The following ASCC3 variants were observed in gnomAD, a reference collection of about 807,000 sequenced individuals.
ASCC3 encodes activating signal cointegrator 1 complex subunit 3.
A neutral mutation model predicts 256.3 loss-of-function variants in ASCC3; 158 were observed. The ratio of observed to expected loss-of-function variants is 0.62; its 90% CI spans 0.54 to 0.70. The LOEUF is 0.70. Among genes scored for constraint, ASCC3 ranks in the 30% least tolerant of loss-of-function variants. The pLI, the probability that ASCC3 is intolerant of heterozygous loss-of-function variation, is 0.00. For missense variants in ASCC3, 2,259 were observed against 2,626.0 expected, an observed-to-expected ratio of 0.86 and a Z score of 3.05; for synonymous variants, 948 against 883.4, an observed-to-expected ratio of 1.07 and a Z score of -1.30.
chr6:100,614,949 A>T (rs1295536659), intron 30 of ASCC3, among the ~76,000 whole-genome samples: 3 of 152,120 alleles, frequency 2.0e-5, no homozygotes, highest in Non-Finnish European at 4.4e-5. Context: ...CATGATTGAG[A>T]ATGGCACAGC....
rs760156043 is a variant in ASCC3, at chr6:100,848,286, G to C, written c.663C>G (p.Ser221=). ...ACTTTTCAACTTCACACCACAAAAA[G>C]GAGCCATTTGTTTTTTCCACAGGCT... is the stretch of plus-strand genomic sequence containing the variant. ...ELKPVEKTNG[S]FLWCEVEKYL... is the part of the protein sequence containing the mutation. Residue 221 remains serine, a synonymous_variant, in exon 4 of 42, where the codon TCC becomes TCG. Transcript: ENST00000369162. 11 of 1,613,906 alleles carry C rather than the reference G, an allele frequency of 6.8e-6. No individual in the cohort carries two copies. In the South Asian group the frequency reaches 7.7e-5, roughly 11 times the overall value.
intron 18 of ASCC3, 42 bp downstream of exon 18, chr6:100,652,683 T>C: frequency 6.4e-7 from 1 of 1,566,608 alleles, no homozygotes; most frequent in Non-Finnish European, 8.8e-7. Context: ...GTCTAGAAAG[T>C]ATTTGCATCT....
intron 8 of ASCC3, among the ~76,000 whole-genome samples, chr6:100,780,131 TTTTA>T (rs1782376144): frequency 1.3e-5 from 2 of 152,304 alleles, no homozygotes; most frequent in African/African-American, 4.8e-5. Context: ...CTATAATGAA[TTTTA>T]TTTAACTCAA....
chr6:100,823,713 T>G (rs1771165135), intron 4 of ASCC3, among the ~76,000 whole-genome samples: 1 of 152,210 alleles, frequency 6.6e-6, no homozygotes, highest in Non-Finnish European at 1.5e-5. Context: ...AAAGACTCAG[T>G]TGTTGAGATG....
chr6:100,772,666 C>T (rs773166916), intron 8 of ASCC3, among the ~76,000 whole-genome samples: 7 of 152,138 alleles, frequency 4.6e-5, no homozygotes, highest in Admixed American at 6.5e-5. Context: ...CTGATACTTT[C>T]TTCACCAATT....
At chr6:100,578,792 T>C (rs201037923) in intron 36 of ASCC3, among the ~76,000 whole-genome samples, 1 of 152,096 alleles carries the variant, frequency 6.6e-6, no homozygotes. Context: ...CAATAATGGA[T>C]TGCTGGGTCA....
chr6:100,517,940 A>AT lies in ASCC3; in HGVS notation c.5927+50dup, dbSNP rs772029187. 12 of 1,580,458 alleles carry AT rather than the reference A, an allele frequency of 7.6e-6. No individual in the cohort carries two copies. In the South Asian group the frequency reaches 8.9e-5, roughly 12 times the overall value. On this transcript the variant is annotated intron_variant, in intron 38 of 41. Coordinates refer to ENST00000369162, the MANE Select transcript of ASCC3 (RefSeq NM_006828.4). The stretch of plus-strand genomic sequence containing the variant: ...TTCAGTGACTACATATATAAAAAAT[A>AT]TTTTTTTGAAATCAAAACAAAACAA...
chr6:100,737,178 G>C (rs1780214118), intron 10 of ASCC3, among the ~76,000 whole-genome samples: 1 of 150,988 alleles, frequency 6.6e-6, no homozygotes, highest in South Asian at 2.1e-4. Context: ...GAGGCAGTGG[G>C]GGTGGGTAGG....
At chr6:100,764,942 C>T (rs1382406965) in intron 10 of ASCC3, among the ~76,000 whole-genome samples, 1 of 152,070 alleles carries the variant, frequency 6.6e-6, no homozygotes, top group Non-Finnish European at 1.5e-5. Flanking sequence ...ATCATCCTGA[C>T]TATGGTGGGC....
chr6:100,536,790 C>G (rs993350932), intron 37 of ASCC3, among the ~76,000 whole-genome samples: 5 of 152,220 alleles, frequency 3.3e-5, no homozygotes, highest in Non-Finnish European at 7.4e-5. Context: ...TACAACCATT[C>G]TCTAATAAAA....
chr6:100,715,515 T>C lies in ASCC3; in HGVS notation c.2098A>G (p.Met700Val), dbSNP rs1038301662. Reference protein sequence around the residue: ...CANKMQQLNNMDEVCYENVLK... With the variant: ...CANKMQQLNNVDEVCYENVLK... Reference sequence around the variant, plus strand: ...ACATTTTCATAACATACTTCATCCATGTTATTCAACTGCTGCATCTTGAAG... The same window carrying C: ...ACATTTTCATAACATACTTCATCCACGTTATTCAACTGCTGCATCTTGAAG... The change falls in exon 13 of 42, where the codon ATG (methionine) becomes GTG (valine). Residue 700 changes from methionine (M) to valine (V), a missense_variant. By Grantham distance (21) the Met-to-Val change is conservative. Coordinates refer to ENST00000369162, the MANE Select transcript of ASCC3 (RefSeq NM_006828.4). 1 of 1,610,988 alleles carries C rather than the reference T, an allele frequency of 6.2e-7. No homozygotes were observed. The highest frequency in any genetic ancestry group is 8.5e-7 in the Non-Finnish European group (1 of 1,177,982).
chr6:100,816,937 A>C (rs1290593784), intron 4 of ASCC3, among the ~76,000 whole-genome samples: 1 of 151,980 alleles, frequency 6.6e-6, no homozygotes, highest in Non-Finnish European at 1.5e-5. Context: ...AAGTTTTAAA[A>C]ATTAAAAAAA....
At chr6:100,629,204 T>A (rs766026813) in intron 26 of ASCC3, 23 bp from the exon 27 acceptor site, 2 of 1,608,426 alleles carry the variant, frequency 1.2e-6, no homozygotes, top group Non-Finnish European at 1.7e-6. Flanking sequence ...ATAACAATGA[T>A]CCCAGAAACT....
intron 8 of ASCC3, among the ~76,000 whole-genome samples, chr6:100,777,720 A>G (rs1384597785): frequency 6.6e-6 from 1 of 152,108 alleles, no homozygotes; most frequent in Non-Finnish European, 1.5e-5. Context: ...CTAAATCAGG[A>G]CTAAGTTGAA....
chr6:100,718,277 T>C (rs749764766), intron 11 of ASCC3, 26 bp from the exon 12 acceptor site: 2 of 1,538,962 alleles, frequency 1.3e-6, no homozygotes, highest in Non-Finnish European at 1.8e-6. Context: ...TAATTAAATA[T>C]GGGTTATTTA....
chr6:100,665,025 G>A (rs1776396428), intron 14 of ASCC3, among the ~76,000 whole-genome samples: 2 of 152,176 alleles, frequency 1.3e-5, no homozygotes. Context: ...GGGAAGACAT[G>A]GCTAGGACTG....
intron 14 of ASCC3, among the ~76,000 whole-genome samples, chr6:100,677,528 C>T (rs1010909731): frequency 6.6e-6 from 1 of 151,932 alleles, no homozygotes; most frequent in Non-Finnish European, 1.5e-5. Context: ...GTTTTCGTTT[C>T]CTTATCTGTA....
chr6:100,529,238 T>C (rs906842697), intron 37 of ASCC3, among the ~76,000 whole-genome samples: 1 of 152,178 alleles, frequency 6.6e-6, no homozygotes, highest in Admixed American at 6.5e-5. Flanking sequence ...TATCTTATAA[T>C]TATGATGTTA....
chr6:100,582,379 T>G (rs1771337490), intron 36 of ASCC3, among the ~76,000 whole-genome samples: 1 of 151,704 alleles, frequency 6.6e-6, no homozygotes. Context: ...ATGATTTGGC[T>G]CTCTGTTTGT....
Sources: gnomAD v4.1 joint callset for allele counts (sites outside exome capture counted in the v4.1 genomes callset) on GRCh38, gnomAD v4.1.1 for gene constraint, MANE v1.5 for transcripts, NCBI Gene and HGNC (gene_info 2026-07-23, HGNC 2026-07-21) for gene names.